Variants in EEF1AKMT2 observed in about 807,000 individuals in gnomAD.
EEF1AKMT2 encodes eukaryotic translation elongation factor 1 alpha lysine methyltransferase 2.
In EEF1AKMT2, 32 loss-of-function variants were observed where a neutral mutation model predicts 35.8. The ratio of observed to expected loss-of-function variants is 0.89; its 90% CI spans 0.67 to 1.20. The LOEUF is 1.20. Among genes scored for constraint, EEF1AKMT2 ranks in the 50% most tolerant of loss-of-function variants. EEF1AKMT2 has a pLI of 0.00. For synonymous variants in EEF1AKMT2, 121 were observed against 133.7 expected (o/e 0.91, Z 0.65); for missense variants, 330 against 347.5 (o/e 0.95, Z 0.40).
chr10:124,789,190 A>T lies in EEF1AKMT2; in HGVS notation c.177-33T>A, dbSNP rs372038297. The T allele has an allele frequency of 3.1e-5, 45 of 1,454,342 alleles. No individual in the cohort carries two copies. The African/African-American group carries it at 6.0e-4, about 19-fold the overall frequency. The allele number at this position is 1,454,342 out of a possible 1,614,324, so 90.1% of individuals were successfully genotyped here. A position where few individuals can be genotyped will look rare whatever the true frequency, so the allele number is the denominator to read the frequency against. ...AGAGAATCAGTCAAATAACTGAGGGATACAGAGCAAAAGTCACCACTATAT... is the reference window on the plus strand; with the variant it reads ...AGAGAATCAGTCAAATAACTGAGGGTTACAGAGCAAAAGTCACCACTATAT... On this transcript the variant is annotated intron_variant, in intron 2 of 6. Coordinates refer to ENST00000368836, the MANE Select transcript of EEF1AKMT2 (RefSeq NM_212554.4).
chr10:124,768,947 G>A (rs1950403743), intron 4 of EEF1AKMT2, among the ~76,000 whole-genome samples: 1 of 151,434 alleles, frequency 6.6e-6, no homozygotes, highest in African/African-American at 2.4e-5. Context: ...AGATAAAACT[G>A]GCCAGAAGCA....
At chr10:124,785,401 T>C (rs2134142075) in intron 3 of EEF1AKMT2, among the ~76,000 whole-genome samples, 1 of 152,170 alleles carries the variant, frequency 6.6e-6, no homozygotes, top group Non-Finnish European at 1.5e-5. Flanking sequence ...TTAATTGGAC[T>C]TCATCAAAAT....
rs750354501 is a variant in EEF1AKMT2, at chr10:124,760,516, A to T, written c.*-13T>A. The T allele has an allele frequency of 3.1e-6, 5 of 1,607,226 alleles. No individual in the cohort carries two copies. In the Admixed American group the frequency reaches 5.0e-5, roughly 16 times the overall value. ...AGAAGTTCAAATCCTGTCAGACAAA[A>T]TTTAAATACTTTTATTAAGAATTGA... On this transcript the variant is annotated splice_polypyrimidine_tract_variant and intron_variant, in intron 6 of 6. Transcript: ENST00000368836.
intron 3 of EEF1AKMT2, among the ~76,000 whole-genome samples, chr10:124,777,518 A>G (rs1457315810): frequency 6.6e-6 from 1 of 151,520 alleles, no homozygotes; most frequent in African/African-American, 2.4e-5. Context: ...GTGTACCTAA[A>G]GATTTTTTTT....
chr10:124,783,329 C>T (rs933746130), intron 3 of EEF1AKMT2, among the ~76,000 whole-genome samples: 1 of 151,744 alleles, frequency 6.6e-6, no homozygotes, highest in South Asian at 2.1e-4. Context: ...CTTTTGGTAG[C>T]GACAGGGTTT....
In EEF1AKMT2 at chr10:124,765,602, C is replaced by T. The variant is rs762689163; in HGVS notation, c.406G>A (p.Asp136Asn). Residue 136 changes from aspartate to asparagine, a missense_variant, in exon 5 of 7, where the codon GAC becomes AAC. By Grantham distance (23) the Asp-to-Asn change is conservative. Transcript: ENST00000368836. ...AGCTGTGTGGAGAGATTCAAAAAGT[C>T]TTCTACCTATATTAAAAGTCAATGT... Reference protein sequence around the residue: ...GLSNIKLKVEDFLNLSTQLSG... With the variant: ...GLSNIKLKVENFLNLSTQLSG... 1.4e-5 allele frequency: 22 copies of T among 1,612,306 alleles called. No homozygotes were observed. The highest frequency in any genetic ancestry group is 1.8e-5 in the Non-Finnish European group (21 of 1,179,242).
intron 3 of EEF1AKMT2, 142 bp downstream of exon 3, chr10:124,788,901 C>T: frequency 1.7e-6 from 1 of 595,676 alleles, no homozygotes; most frequent in East Asian, 2.9e-5. Context: ...TCCATGTAGC[C>T]TCCCTTTTGT....
intron 3 of EEF1AKMT2, among the ~76,000 whole-genome samples, chr10:124,779,720 C>T (rs1231029103): frequency 2.6e-5 from 3 of 116,536 alleles, no homozygotes; most frequent in Non-Finnish European, 5.0e-5. Flanking sequence ...TGCACTCCAG[C>T]CTGGGCGACA....
At chr10:124,776,793 C>T (rs1432145732) in intron 3 of EEF1AKMT2, among the ~76,000 whole-genome samples, 2 of 150,532 alleles carry the variant, frequency 1.3e-5, no homozygotes, top group Admixed American at 1.3e-4. Context: ...AGACTCTTGT[C>T]TCAAAAAAAA....
downstream of EEF1AKMT2, among the ~76,000 whole-genome samples, chr10:124,756,847 T>C (rs893149706): frequency 1.3e-5 from 2 of 152,196 alleles, no homozygotes; most frequent in Non-Finnish European, 2.9e-5. Context: ...AATCCATCAA[T>C]TGACCAAAGA....
chr10:124,770,750 TG>T (rs1950425756), intron 4 of EEF1AKMT2, among the ~76,000 whole-genome samples: 2 of 152,252 alleles, frequency 1.3e-5, no homozygotes, highest in Admixed American at 6.5e-5. Context: ...ACTAAGTTTA[TG>T]GAATATTCAA....
intron 4 of EEF1AKMT2, among the ~76,000 whole-genome samples, chr10:124,766,739 T>C (rs549158948): frequency 2.0e-5 from 3 of 152,330 alleles, no homozygotes; most frequent in African/African-American, 7.2e-5. Flanking sequence ...AAATAATGAC[T>C]ATCACTCTGA....
chr10:124,760,613 C>T, intron 6 of EEF1AKMT2, 110 bp from the exon 7 acceptor site: 2 of 811,218 alleles, frequency 2.5e-6, no homozygotes, highest in Non-Finnish European at 2.0e-6. Flanking sequence ...AACTATGATT[C>T]CAAACTCTAA....
At chr10:124,765,968 A>G (rs1950375361) in intron 4 of EEF1AKMT2, among the ~76,000 whole-genome samples, 1 of 152,186 alleles carries the variant, frequency 6.6e-6, no homozygotes, top group African/African-American at 2.4e-5. Flanking sequence ...ATTCTTAAAA[A>G]TGACAATTTA....
In EEF1AKMT2 at chr10:124,759,306, T is replaced by C. The variant is rs992695983; in HGVS notation, c.*1197A>G. 6.6e-6 allele frequency: 1 copy of C among 152,148 alleles called. No individual in the cohort carries two copies. Among genetic ancestry groups the C allele is most frequent in the Non-Finnish European group, 1.5e-5 (1 of 68,028 alleles). 9.4% of individuals were successfully genotyped at this position (152,148 alleles called of 1,614,324 possible). ...CGCTGAGGGCTTATATAACTTACAC[T>C]ACCCTTTCACAGAAGAATGACAAAA... On this transcript the variant is annotated 3_prime_UTR_variant, in exon 7 of 7. Transcript: ENST00000368836.
chr10:124,788,306 T>C (rs1031430216), intron 3 of EEF1AKMT2, among the ~76,000 whole-genome samples: 5 of 152,146 alleles, frequency 3.3e-5, no homozygotes, highest in Non-Finnish European at 7.3e-5. Flanking sequence ...CTCTTTTCTA[T>C]ATTCAGTGTA....
chr10:124,777,226 C>A (rs1950494781), intron 3 of EEF1AKMT2, among the ~76,000 whole-genome samples: 2 of 150,740 alleles, frequency 1.3e-5, no homozygotes. Context: ...TTATAGTGAG[C>A]CAAGATCGCG....
rs752889529 is a variant in EEF1AKMT2, at chr10:124,789,052, C to T, written c.282G>A (p.Leu94=). The T allele has an allele frequency of 2.4e-5, 38 of 1,609,132 alleles. No homozygotes were observed. Among genetic ancestry groups the T allele is most frequent in the Non-Finnish European group, 3.2e-5 (38 of 1,178,256 alleles). Residue 94 remains leucine, a synonymous_variant, in exon 3 of 7, where the codon CTG becomes CTA. Coordinates refer to ENST00000368836, the MANE Select transcript of EEF1AKMT2 (RefSeq NM_212554.4). The part of the protein sequence containing the change: ...LDIGTGNGVF[L]VELAKFGFSN... Reference sequence around the variant, plus strand: ...TACTAAAAGTACCAACAAGTTCAACCAGGAAAACACCATTTCCAGTTCCAA... The same window carrying T: ...TACTAAAAGTACCAACAAGTTCAACTAGGAAAACACCATTTCCAGTTCCAA...
At chr10:124,766,620 T>C (rs917316964) in intron 4 of EEF1AKMT2, among the ~76,000 whole-genome samples, 1 of 152,198 alleles carries the variant, frequency 6.6e-6, no homozygotes, top group Non-Finnish European at 1.5e-5. Context: ...TAAATCATGT[T>C]TAATCTAAAA....
Sources: allele counts gnomAD v4.1 joint callset (sites outside exome capture counted in the v4.1 genomes callset), GRCh38; gene constraint gnomAD v4.1.1; transcripts MANE v1.5; gene names NCBI Gene and HGNC (gene_info 2026-07-23, HGNC 2026-07-21).